The following XKRX variants were observed in gnomAD, a reference collection of about 807,000 sequenced individuals.
XKRX encodes the protein XK related X-linked, also known as XK-related protein 2.
In XKRX, 11 loss-of-function variants were observed where a neutral mutation model predicts 22.4. The ratio of observed to expected loss-of-function variants is 0.49; its 90% CI spans 0.31 to 0.81. XKRX has a LOEUF of 0.81. Ranked by LOEUF, XKRX falls within the 40% of genes least tolerant of loss-of-function variation. The pLI is 0.05. For synonymous variants in XKRX, 114 were observed against 132.2 expected (o/e 0.86, Z 0.94); for missense variants, 320 against 336.5 (o/e 0.95, Z 0.38).
downstream of XKRX, among the ~76,000 whole-genome samples, chrX:100,912,041 CTA>C (rs1217916244): frequency 9.0e-6 from 1 of 111,588 alleles, no homozygotes; most frequent in African/African-American, 3.3e-5. Context: ...CAGTATGTGT[CTA>C]TATGTTTCCA....
the XKRX span, among the ~76,000 whole-genome samples, chrX:100,941,107 C>A: frequency 1.8e-5 from 2 of 112,166 alleles, no homozygotes; most frequent in Non-Finnish European, 3.8e-5. Context: ...GACCCCAATT[C>A]TTTTGGTATT....
the XKRX span, among the ~76,000 whole-genome samples, chrX:100,905,700 G>A: frequency 1.8e-5 from 2 of 111,935 alleles, no homozygotes; most frequent in Non-Finnish European, 3.8e-5. Flanking sequence ...ATAAACATAA[G>A]TTTCATACAA....
rs764860612 is a variant in XKRX at position 100,918,639 on chromosome X, G to A, written c.605-3556C>T. 2.8e-4 allele frequency among the ~76,000 whole-genome samples: 31 copies of A among 111,812 alleles called. No individual in the cohort carries two copies. In the South Asian group the frequency reaches 3.0e-3, roughly 11 times the overall value. The stretch of plus-strand genomic sequence containing the variant: ...GGGAATATACTTAAACTCTCAGTGC[G>A]TCTGTTTCTTCGTCTGTAAAATGAG... On this transcript the variant is annotated intron_variant, in intron 2 of 2. Coordinates refer to ENST00000372956, the MANE Select transcript of XKRX (RefSeq NM_212559.3).
the XKRX span, among the ~76,000 whole-genome samples, chrX:100,952,042 G>C: frequency 9.1e-6 from 1 of 110,297 alleles, no homozygotes; most frequent in Non-Finnish European, 1.9e-5. Context: ...TATGAGGCCA[G>C]TATTACCCTG....
At chrX:100,926,655 A>G (rs1389919114) in intron 1 of XKRX, among the ~76,000 whole-genome samples, 2 of 111,685 alleles carry the variant, frequency 1.8e-5, no homozygotes, top group African/African-American at 6.5e-5. Flanking sequence ...TCCTGAACTC[A>G]TAAGTTTTGC....
the XKRX span, among the ~76,000 whole-genome samples, chrX:100,901,200 T>C: frequency 2.7e-5 from 3 of 111,509 alleles, no homozygotes; most frequent in South Asian, 1.1e-3. Context: ...GTATATATCA[T>C]GTGTCATAAG....
the XKRX span, among the ~76,000 whole-genome samples, chrX:100,955,772 G>A: frequency 8.9e-6 from 1 of 111,875 alleles, no homozygotes; most frequent in Non-Finnish European, 1.9e-5. Flanking sequence ...ACAAACATTG[G>A]GAAACAATCC....
upstream of XKRX, among the ~76,000 whole-genome samples, chrX:100,934,239 T>A (rs2085529077): frequency 8.9e-6 from 1 of 112,072 alleles, no homozygotes; most frequent in South Asian, 3.7e-4. Flanking sequence ...CTACACTGTA[T>A]GGATCTATCA....
At chrX:100,901,012 G>A in the XKRX span, among the ~76,000 whole-genome samples, 20 of 110,124 alleles carry the variant, frequency 1.8e-4, no homozygotes, top group African/African-American at 4.6e-4. Context: ...GGATGGTCTC[G>A]ATCTCCTGAC....
At chrX:100,938,685 T>C in the XKRX span, among the ~76,000 whole-genome samples, 1 of 111,643 alleles carries the variant, frequency 9.0e-6, no homozygotes, top group Non-Finnish European at 1.9e-5. Context: ...TAAGTCTTCA[T>C]GTAATCTTGG....
chrX:100,910,844 A>G, downstream of XKRX: 1 of 764,907 alleles, frequency 1.3e-6, no homozygotes, highest in Non-Finnish European at 2.0e-6. Flanking sequence ...TGATGGTCTG[A>G]AGGCTAAGCT....
At chrX:100,959,205 T>A in the XKRX span, among the ~76,000 whole-genome samples, 1 of 111,966 alleles carries the variant, frequency 8.9e-6, no homozygotes, top group East Asian at 2.8e-4. Flanking sequence ...TTCCTCCTAT[T>A]GTTTTTAAAC....
At chrX:100,927,593 C>T (rs113070930) in intron 1 of XKRX, among the ~76,000 whole-genome samples, 3 of 111,134 alleles carry the variant, frequency 2.7e-5, no homozygotes, top group African/African-American at 9.8e-5. Flanking sequence ...GAGCCATGAT[C>T]GCACCACTGC....
At chrX:100,942,371 T>G in the XKRX span, among the ~76,000 whole-genome samples, 106 of 111,666 alleles carry the variant, frequency 9.5e-4, no homozygotes, top group African/African-American at 3.4e-3. Context: ...GTCTCCTCTT[T>G]TATTTTCCTC....
At position 100,914,265 on chromosome X, in the gene XKRX, C is replaced by T. The variant is rs2085419802; in HGVS notation, c.*73G>A. The stretch of plus-strand genomic sequence containing the variant: ...ACTGATGGGTATCTCACCCATGAAC[C>T]TCATCCTTTCGTTCAATTTCATGGT... On this transcript the variant is annotated 3_prime_UTR_variant, in exon 3 of 3. Coordinates refer to ENST00000372956, the MANE Select transcript of XKRX (RefSeq NM_212559.3). 9.1e-7 allele frequency: 1 copy of T among 1,101,842 alleles called. No individual in the cohort carries two copies. Among genetic ancestry groups the T allele is most frequent in the Non-Finnish European group, 1.2e-6 (1 of 822,101 alleles). The allele number at this position is 1,101,842 out of a possible 1,213,427, so 90.8% of individuals were successfully genotyped here.
At chrX:100,936,452 A>C in the XKRX span, among the ~76,000 whole-genome samples, 1 of 100,231 alleles carries the variant, frequency 1.0e-5, no homozygotes, top group East Asian at 3.4e-4. Flanking sequence ...GAGGCAGGAG[A>C]ATCGATTGAA....
At chrX:100,892,449 C>T in the XKRX span, among the ~76,000 whole-genome samples, 1 of 110,557 alleles carries the variant, frequency 9.0e-6, no homozygotes, top group Admixed American at 9.6e-5. Context: ...CTACTATGTA[C>T]CCATGAAAAT....
the XKRX span, among the ~76,000 whole-genome samples, chrX:100,949,362 T>C: frequency 2.3e-5 from 1 of 42,804 alleles, no homozygotes; most frequent in Non-Finnish European, 4.7e-5. Flanking sequence ...ATGTTTTTGG[T>C]TGTTTTTTTT....
chrX:100,946,451 G>A, the XKRX span, among the ~76,000 whole-genome samples: 1 of 111,274 alleles, frequency 9.0e-6, no homozygotes, highest in African/African-American at 3.3e-5. Flanking sequence ...TATCAGTCAG[G>A]GTCCCAGCAG....
Sources: allele counts gnomAD v4.1 joint callset (sites outside exome capture counted in the v4.1 genomes callset), GRCh38; gene constraint gnomAD v4.1.1; transcripts MANE v1.5; gene names NCBI Gene and HGNC (gene_info 2026-07-23, HGNC 2026-07-21).